MAPRE3: variants seen among roughly 807,000 people sequenced by gnomAD.
MAPRE3 encodes the protein microtubule-associated protein RP/EB family member 3.
Under a neutral mutation model 30.5 loss-of-function variants are expected in MAPRE3, and 2 were observed. The observed-to-expected ratio is 0.07, with a 90% CI of 0.03 to 0.21. The LOEUF is 0.21. Ranked by LOEUF, MAPRE3 falls within the 10% of genes least tolerant of loss-of-function variation. The pLI is 1.00. For missense variants in MAPRE3, 204 were observed against 351.8 expected (o/e 0.58, Z 3.36); for synonymous variants, 110 against 127.7 (o/e 0.86, Z 0.93).
chr2:26,989,439 C>G (rs1311583861), intron 1 of MAPRE3, among the ~76,000 whole-genome samples: 1 of 152,170 alleles, frequency 6.6e-6, no homozygotes, highest in Non-Finnish European at 1.5e-5. Flanking sequence ...GAATGAAAGG[C>G]AGGCTTGAAT....
chr2:27,023,502 C>G lies in MAPRE3; in HGVS notation c.267+25C>G, dbSNP rs529654148. On this transcript the variant is annotated intron_variant, in intron 3 of 6. Coordinates refer to ENST00000233121, the MANE Select transcript of MAPRE3 (RefSeq NM_012326.4). ...AGTAGGTGCCTGCGCTCTGGGGGGC[C>G]CTGAGGAGCAGTGTGACCCTGGGGA... is the stretch of plus-strand genomic sequence containing the variant. 18 of 1,612,890 alleles carry G rather than the reference C, an allele frequency of 1.1e-5. No individual in the cohort carries two copies. In the East Asian group the frequency reaches 3.8e-4, roughly 34 times the overall value.
At chr2:27,003,514 C>T (rs1228790964) in intron 1 of MAPRE3, among the ~76,000 whole-genome samples, 1 of 152,204 alleles carries the variant, frequency 6.6e-6, no homozygotes, top group Non-Finnish European at 1.5e-5. Flanking sequence ...AATCAGCTGT[C>T]TACGAGCTTT....
chr2:27,016,872 G>A (rs1304835685), intron 1 of MAPRE3, among the ~76,000 whole-genome samples: 3 of 152,100 alleles, frequency 2.0e-5, no homozygotes, highest in East Asian at 1.9e-4. Flanking sequence ...TAGGGGATAC[G>A]GAGGCTGGCT....
In MAPRE3 at chr2:27,025,918, G is replaced by A. The variant is rs984621000; in HGVS notation, c.663G>A (p.Lys221=). 1 of 1,614,210 alleles carries A rather than the reference G, an allele frequency of 6.2e-7. No homozygotes were observed. Among genetic ancestry groups the A allele is most frequent in the Admixed American group, 1.7e-5 (1 of 60,030 alleles). Residue 221 remains lysine, a synonymous_variant, in exon 6 of 7, where the codon AAG becomes AAA. Coordinates refer to ENST00000233121, the MANE Select transcript of MAPRE3 (RefSeq NM_012326.4). ...AGCTGACAGTGGATGGGCTGGAGAA[G>A]GAACGTGACTTCTACTTCAGCAAAC... ...DLKLTVDGLE[K]ERDFYFSKLR...
chr2:27,026,421 C>T lies in MAPRE3; in HGVS notation c.*73C>T. The T allele has an allele frequency of 1.5e-6, 2 of 1,299,194 alleles. No individual in the cohort carries two copies. Among genetic ancestry groups the T allele is most frequent in the Non-Finnish European group, 2.2e-6 (2 of 914,216 alleles). 80.5% of individuals were successfully genotyped at this position (1,299,194 alleles called of 1,614,324 possible). A position where few individuals can be genotyped will look rare whatever the true frequency, so the allele number is the denominator to read the frequency against. On this transcript the variant is annotated 3_prime_UTR_variant, in exon 7 of 7. Coordinates refer to ENST00000233121, the MANE Select transcript of MAPRE3 (RefSeq NM_012326.4). ...CCCTGCTCCACTCCCACATTATAGT[C>T]CTTTCCTAACACGGTCGGCCGGGTG...
intron 4 of MAPRE3, among the ~76,000 whole-genome samples, chr2:27,025,300 A>G (rs1394587247): frequency 1.3e-5 from 2 of 151,938 alleles, no homozygotes; most frequent in Admixed American, 6.5e-5. Context: ...TCTCTCCTCT[A>G]TCCCTCAGGC....
At chr2:26,990,122 T>C (rs993808385) in intron 1 of MAPRE3, among the ~76,000 whole-genome samples, 1 of 152,154 alleles carries the variant, frequency 6.6e-6, no homozygotes, top group Non-Finnish European at 1.5e-5. Context: ...GAGGCTGCAG[T>C]GAGCCTGAAC....
intron 1 of MAPRE3, among the ~76,000 whole-genome samples, chr2:26,975,706 G>A (rs557710304): frequency 1.5e-3 from 223 of 152,218 alleles, no homozygotes; most frequent in African/African-American, 5.3e-3. Flanking sequence ...GTCATTTAAT[G>A]AAGACCAAAT....
intron 1 of MAPRE3, among the ~76,000 whole-genome samples, chr2:26,973,855 A>C (rs1665965307): frequency 6.6e-6 from 1 of 152,226 alleles, no homozygotes; most frequent in Non-Finnish European, 1.5e-5. Flanking sequence ...GCGCCTGGCC[A>C]GAAAATATAG....
At chr2:27,023,604 C>A (rs778360151) in intron 3 of MAPRE3, 127 bp downstream of exon 3, 3 of 1,142,784 alleles carry the variant, frequency 2.6e-6, no homozygotes, top group Admixed American at 1.9e-5. Context: ...CACCTCCCGA[C>A]TCTCCAGAGG....
chr2:27,010,195 C>A (rs1472416596), intron 1 of MAPRE3, among the ~76,000 whole-genome samples: 1 of 152,216 alleles, frequency 6.6e-6, no homozygotes, highest in Non-Finnish European at 1.5e-5. Context: ...CAAAGTTAAT[C>A]AATATGTACA....
At position 26,970,645 on chromosome 2, in the gene MAPRE3, C is replaced by A. The variant is rs1019162582; in HGVS notation, c.-165C>A. 6.6e-6 allele frequency: 1 copy of A among 152,302 alleles called. No homozygotes were observed. Among genetic ancestry groups the A allele is most frequent in the Non-Finnish European group, 1.5e-5 (1 of 68,094 alleles). The allele number at this position is 152,302 out of a possible 1,614,324, so 9.4% of individuals were successfully genotyped here. A position where few individuals can be genotyped will look rare whatever the true frequency, so the allele number is the denominator to read the frequency against. ...CCGCATCGCGCCTGCGCAGTGCCCTCGTCCCCCGCAGTCTCTGTGCGTTGA... is the reference window on the plus strand; with the variant it reads ...CCGCATCGCGCCTGCGCAGTGCCCTAGTCCCCCGCAGTCTCTGTGCGTTGA... On this transcript the variant is annotated 5_prime_UTR_variant, in exon 1 of 7. Coordinates refer to ENST00000233121, the MANE Select transcript of MAPRE3 (RefSeq NM_012326.4).
rs775405390 is a variant in MAPRE3, at chr2:27,024,313, C to T, written c.469+16C>T. ...GGCACAGCAGGTAACGTGCCCGAGC[C>T]GGGGGAGGGAGCGTGGGGGGCCGGG... On this transcript the variant is annotated intron_variant, in intron 4 of 6. Transcript: ENST00000233121. 8.7e-6 allele frequency: 14 copies of T among 1,609,680 alleles called. No individual in the cohort carries two copies. The highest frequency in any genetic ancestry group is 1.3e-5 in the African/African-American group (1 of 74,808).
intron 1 of MAPRE3, chr2:26,995,564 T>A (rs1666434140): frequency 1.3e-5 from 2 of 151,974 alleles, no homozygotes; most frequent in African/African-American, 4.8e-5. Context: ...ACTATGAACA[T>A]CAAAATAAAT....
intron 1 of MAPRE3, among the ~76,000 whole-genome samples, chr2:26,998,964 A>C (rs1396383668): frequency 6.6e-6 from 1 of 152,186 alleles, no homozygotes; most frequent in African/African-American, 2.4e-5. Flanking sequence ...TGGAATCCTG[A>C]TTCTGTCAGC....
intron 1 of MAPRE3, among the ~76,000 whole-genome samples, chr2:27,011,158 T>C (rs981137392): frequency 1.3e-5 from 2 of 152,182 alleles, no homozygotes; most frequent in Non-Finnish European, 2.9e-5. Flanking sequence ...ATTGGTCTTA[T>C]GCTCTTTTTT....
intron 1 of MAPRE3, chr2:27,012,619 G>A (rs1056932996): frequency 6.5e-6 from 1 of 152,678 alleles, no homozygotes; most frequent in African/African-American, 2.4e-5. Context: ...CCCCACTGGG[G>A]TGGGGGCTGA....
intron 1 of MAPRE3, chr2:27,013,542 A>G (rs1666910714): frequency 6.6e-6 from 1 of 151,950 alleles, no homozygotes; most frequent in Non-Finnish European, 1.5e-5. Flanking sequence ...AACCCCCCAA[A>G]CCCTAGTTTA....
At chr2:27,022,580 G>A (rs1308960522) in intron 2 of MAPRE3, 1 of 465,540 alleles carries the variant, frequency 2.1e-6, no homozygotes, top group East Asian at 3.6e-5. Flanking sequence ...CTACTCCTAG[G>A]CTAAAAACAT....
Sources: gnomAD v4.1 joint callset for allele counts (sites outside exome capture counted in the v4.1 genomes callset) on GRCh38, gnomAD v4.1.1 for gene constraint, MANE v1.5 for transcripts, NCBI Gene and HGNC (gene_info 2026-07-23, HGNC 2026-07-21) for gene names.